MTUS2: variants seen among roughly 807,000 people sequenced by gnomAD.
MTUS2 encodes microtubule-associated tumor suppressor candidate 2.
In MTUS2, 40 loss-of-function variants were observed where a neutral mutation model predicts 114.1. That is an observed-to-expected ratio of 0.35 (90% CI 0.27 to 0.46). The LOEUF is 0.46. MTUS2 is among the 20% of genes least tolerant of loss of function. The pLI, the probability that MTUS2 is intolerant of heterozygous loss-of-function variation, is 1.00. For synonymous variants in MTUS2, 688 were observed against 672.0 expected (o/e 1.02, Z -0.37); for missense variants, 1,679 against 1,705.4 (o/e 0.98, Z 0.27).
At chr13:29,223,945 G>C (rs534293641) in intron 5 of MTUS2, among the ~76,000 whole-genome samples, 9 of 152,224 alleles carry the variant, frequency 5.9e-5, no homozygotes, top group African/African-American at 2.2e-4. Flanking sequence ...CACGGAACCA[G>C]CGCCTGTGCT....
chr13:28,958,063 C>T (rs112512242), intron 2 of MTUS2, among the ~76,000 whole-genome samples: 1 of 152,178 alleles, frequency 6.6e-6, no homozygotes, highest in East Asian at 1.9e-4. Context: ...TGCTGCAACC[C>T]GTTGTGCTGG....
At chr13:28,981,667 G>C (rs1260891772) in intron 2 of MTUS2, among the ~76,000 whole-genome samples, 3 of 152,196 alleles carry the variant, frequency 2.0e-5, no homozygotes, top group African/African-American at 7.2e-5. Context: ...CTTCTCTTCT[G>C]GGCAAGGGCA....
At chr13:29,391,488 T>G (rs966705944) in intron 8 of MTUS2, among the ~76,000 whole-genome samples, 1 of 152,168 alleles carries the variant, frequency 6.6e-6, no homozygotes, top group East Asian at 1.9e-4. Context: ...GAGCTGCATG[T>G]AATGCCCAGA....
At chr13:29,499,754 A>T (rs1389332941) in intron 14 of MTUS2, among the ~76,000 whole-genome samples, 1 of 152,268 alleles carries the variant, frequency 6.6e-6, no homozygotes, top group Non-Finnish European at 1.5e-5. Context: ...TAACCAAGCC[A>T]GGGGCTGATC....
At chr13:28,859,117 T>C (rs1056728098) in intron 2 of MTUS2, among the ~76,000 whole-genome samples, 1 of 152,110 alleles carries the variant, frequency 6.6e-6, no homozygotes, top group Non-Finnish European at 1.5e-5. Flanking sequence ...TCACATTTGC[T>C]CTCTCCATAA....
At chr13:28,901,879 A>G (rs1381220263) in intron 2 of MTUS2, among the ~76,000 whole-genome samples, 3 of 152,194 alleles carry the variant, frequency 2.0e-5, no homozygotes, top group Non-Finnish European at 1.5e-5. Context: ...TTCATCTGCA[A>G]ACAAACAAAA....
chr13:29,076,343 T>C (rs952563013), intron 4 of MTUS2, among the ~76,000 whole-genome samples: 1 of 152,222 alleles, frequency 6.6e-6, no homozygotes, highest in African/African-American at 2.4e-5. Context: ...ATTAGTTATA[T>C]GTTGCTAAAT....
chr13:28,919,337 G>C (rs1051242057), intron 2 of MTUS2, among the ~76,000 whole-genome samples: 4 of 152,034 alleles, frequency 2.6e-5, no homozygotes, highest in Non-Finnish European at 2.9e-5. Flanking sequence ...TTTTTTGCCA[G>C]ATATACTATT....
intron 5 of MTUS2, among the ~76,000 whole-genome samples, chr13:29,184,145 T>A (rs1169488284): frequency 6.6e-6 from 1 of 152,226 alleles, no homozygotes; most frequent in Admixed American, 6.5e-5. Flanking sequence ...AATATTTGTT[T>A]GCTGTTTTTT....
intron 9 of MTUS2, chr13:29,476,750 G>C (rs557733591): frequency 6.6e-6 from 1 of 152,282 alleles, no homozygotes; most frequent in East Asian, 1.9e-4. Flanking sequence ...AAGGCAGCTG[G>C]ATTAGTTATA....
intron 7 of MTUS2, among the ~76,000 whole-genome samples, chr13:29,332,781 C>A (rs1215212381): frequency 6.6e-6 from 1 of 151,574 alleles, no homozygotes; most frequent in Admixed American, 6.6e-5. Flanking sequence ...ACTACAGGCG[C>A]CCGCCACTAC....
chr13:29,184,695 C>T lies in MTUS2; in HGVS notation c.2644+83725C>T, dbSNP rs181164854. 7.4e-4 allele frequency among the ~76,000 whole-genome samples: 112 copies of T among 152,184 alleles called. No homozygotes were observed. The East Asian group carries it at 0.018, about 24-fold the overall frequency. The stretch of plus-strand genomic sequence containing the variant: ...ATTGGGCACAGACGTTAGTGGCACA[C>T]GTGACAAAAAATATAGACTTTACAG... On this transcript the variant is annotated intron_variant, in intron 5 of 15. Transcript: ENST00000612955.
chr13:28,950,575 C>T (rs2138172580), intron 2 of MTUS2, among the ~76,000 whole-genome samples: 1 of 152,254 alleles, frequency 6.6e-6, no homozygotes, highest in East Asian at 1.9e-4. Context: ...ACATTTAGGT[C>T]TAATTTCGAT....
intron 8 of MTUS2, among the ~76,000 whole-genome samples, chr13:29,390,530 A>T (rs973033232): frequency 6.0e-5 from 9 of 151,014 alleles, no homozygotes; most frequent in African/African-American, 2.2e-4. Context: ...GCACGTGCCT[A>T]TTATCCCAGC....
intron 6 of MTUS2, among the ~76,000 whole-genome samples, chr13:29,322,230 C>A (rs1380970105): frequency 6.6e-6 from 1 of 152,152 alleles, no homozygotes; most frequent in Non-Finnish European, 1.5e-5. Flanking sequence ...AGGTTTAGTG[C>A]AGATTTGGGG....
At chr13:29,083,818 A>G (rs1181811471) in intron 4 of MTUS2, among the ~76,000 whole-genome samples, 1 of 152,184 alleles carries the variant, frequency 6.6e-6, no homozygotes, top group African/African-American at 2.4e-5. Flanking sequence ...AATTTTGTAT[A>G]TGTCAAATTC....
chr13:28,936,675 A>G (rs1348684160), intron 2 of MTUS2, among the ~76,000 whole-genome samples: 2 of 151,772 alleles, frequency 1.3e-5, no homozygotes, highest in Non-Finnish European at 2.9e-5. Context: ...GGGGTGTGAC[A>G]AGTTAGCCTT....
At chr13:28,937,809 G>A (rs867393556) in intron 2 of MTUS2, among the ~76,000 whole-genome samples, 22 of 152,276 alleles carry the variant, frequency 1.4e-4, no homozygotes, top group African/African-American at 5.3e-4. Context: ...TGGCTCCTGT[G>A]GCTGGTGGGG....
intron 7 of MTUS2, 128 bp downstream of exon 7, chr13:29,324,839 A>G: frequency 5.8e-6 from 4 of 691,826 alleles, no homozygotes; most frequent in Non-Finnish European, 9.9e-6. Context: ...CTTGACATAC[A>G]TATGCTGATG....
Sources: gnomAD v4.1 joint callset for allele counts (sites outside exome capture counted in the v4.1 genomes callset) on GRCh38, gnomAD v4.1.1 for gene constraint, MANE v1.5 for transcripts, NCBI Gene and HGNC (gene_info 2026-07-23, HGNC 2026-07-21) for gene names.